USP32: variants seen among roughly 807,000 people sequenced by gnomAD.
USP32 encodes ubiquitin carboxyl-terminal hydrolase 32.
A neutral mutation model predicts 204.8 loss-of-function variants in USP32; 59 were observed. The observed-to-expected ratio is 0.29, with a 90% CI of 0.23 to 0.36. The LOEUF (loss-of-function observed/expected upper bound fraction) is 0.36. USP32 is among the 10% of genes least tolerant of loss of function. The pLI is 1.00. For missense variants in USP32, 1,160 were observed against 1,946.4 expected, an observed-to-expected ratio of 0.60 and a Z score of 7.60; for synonymous variants, 517 against 678.4, an observed-to-expected ratio of 0.76 and a Z score of 3.70.
At chr17:60,197,506 A>G (rs1241165824) in intron 27 of USP32, among the ~76,000 whole-genome samples, 1 of 152,216 alleles carries the variant, frequency 6.6e-6, no homozygotes, top group Non-Finnish European at 1.5e-5. Context: ...GGGGAGGCTG[A>G]GGCAGGAGAT....
chr17:60,404,903 C>T (rs1293612683), intron 1 of USP32, among the ~76,000 whole-genome samples: 2 of 152,028 alleles, frequency 1.3e-5, no homozygotes, highest in Non-Finnish European at 2.9e-5. Flanking sequence ...TGGGTGGGTG[C>T]GATGACTCCA....
At chr17:60,367,874 G>GT (rs1322028991) in intron 1 of USP32, among the ~76,000 whole-genome samples, 1 of 151,724 alleles carries the variant, frequency 6.6e-6, no homozygotes. Context: ...ACACGTACAG[G>GT]CTTTTTTTTT....
At chr17:60,409,403 C>G (rs2090002299) in intron 1 of USP32, among the ~76,000 whole-genome samples, 1 of 152,168 alleles carries the variant, frequency 6.6e-6, no homozygotes, top group African/African-American at 2.4e-5. Flanking sequence ...GGCCTCTATG[C>G]ACGTCGGGCA....
chr17:60,407,781 CAAAA>C (rs750848462), intron 1 of USP32, among the ~76,000 whole-genome samples: 1 of 35,952 alleles, frequency 2.8e-5, no homozygotes, highest in Non-Finnish European at 5.5e-5. Context: ...GCCTCTGTCT[CAAAA>C]AAAAAAAAAA....
chr17:60,411,769 C>G (rs1040697559), intron 1 of USP32, among the ~76,000 whole-genome samples: 4 of 151,966 alleles, frequency 2.6e-5, no homozygotes, highest in African/African-American at 9.7e-5. Context: ...GCTTATTTCA[C>G]TTAGTAGAGT....
chr17:60,274,068 G>A (rs1381644306), intron 5 of USP32, among the ~76,000 whole-genome samples: 3 of 151,234 alleles, frequency 2.0e-5, no homozygotes, highest in Admixed American at 1.3e-4. Context: ...AAGTATCTCA[G>A]GAATTAAAGA....
chr17:60,346,339 G>A (rs1169035359), intron 1 of USP32, among the ~76,000 whole-genome samples: 1 of 152,170 alleles, frequency 6.6e-6, no homozygotes, highest in Admixed American at 6.5e-5. Context: ...TTTCAAATTA[G>A]CAGGTAAGCT....
At chr17:60,321,877 T>A (rs1598243142) in intron 2 of USP32, among the ~76,000 whole-genome samples, 1 of 152,246 alleles carries the variant, frequency 6.6e-6, no homozygotes, top group Admixed American at 6.5e-5. Flanking sequence ...ATGGCTTTTT[T>A]TTTTTTTTAG....
intron 2 of USP32, among the ~76,000 whole-genome samples, chr17:60,316,842 T>C (rs2087993251): frequency 6.6e-6 from 1 of 151,592 alleles, no homozygotes; most frequent in Non-Finnish European, 1.5e-5. Flanking sequence ...CTTTGACTCA[T>C]AAAAACAAAC....
chr17:60,322,648 G>T (rs977046921), intron 2 of USP32, among the ~76,000 whole-genome samples: 1 of 152,138 alleles, frequency 6.6e-6, no homozygotes, highest in African/African-American at 2.4e-5. Context: ...GATAGTCCCT[G>T]GGTTCTAGAC....
At chr17:60,273,789 A>G (rs1022631528) in intron 5 of USP32, among the ~76,000 whole-genome samples, 1 of 151,816 alleles carries the variant, frequency 6.6e-6, no homozygotes, top group African/African-American at 2.4e-5. Flanking sequence ...TGAAACCCCC[A>G]TCGCTACTAA....
chr17:60,420,671 C>T (rs1463637111), intron 1 of USP32, among the ~76,000 whole-genome samples: 1 of 152,044 alleles, frequency 6.6e-6, no homozygotes, highest in Non-Finnish European at 1.5e-5. Flanking sequence ...GTCTCAAAAA[C>T]AAACAACAAA....
rs149888560 is a variant in USP32 at position 60,315,307 on chromosome 17, G to T, written c.187-13603C>A. On this transcript the variant is annotated intron_variant, in intron 2 of 33. Transcript: ENST00000300896. Reference sequence around the variant, plus strand: ...CCCAGCTACTCAGGAGGCTGAGGCAGGAGAATGGCTTGAACCCGGAAGGCA... The same window carrying T: ...CCCAGCTACTCAGGAGGCTGAGGCATGAGAATGGCTTGAACCCGGAAGGCA... Among the ~76,000 whole-genome samples, 1,098 of 152,312 alleles carry T rather than the reference G, an allele frequency of 7.2e-3. 10 individuals carry two copies. Among genetic ancestry groups the T allele is most frequent in the Non-Finnish European group, 0.012 (804 of 68,030 alleles).
At chr17:60,230,841 C>A (rs1489591188) in intron 12 of USP32, among the ~76,000 whole-genome samples, 2 of 152,128 alleles carry the variant, frequency 1.3e-5, no homozygotes, top group Non-Finnish European at 2.9e-5. Flanking sequence ...ATGAACAAAC[C>A]AATCACAGTT....
rs75458260 is a variant in USP32 at position 60,326,883 on chromosome 17, G to A, written c.186+18598C>T. ...TATTGTTAAAAAATAAACACTTCATGAAAGGTAAACAGTTCTCAGTCTTAC... is the reference window on the plus strand; with the variant it reads ...TATTGTTAAAAAATAAACACTTCATAAAAGGTAAACAGTTCTCAGTCTTAC... On this transcript the variant is annotated intron_variant, in intron 2 of 33. Transcript: ENST00000300896. Among the ~76,000 whole-genome samples the A allele has an allele frequency of 1.1e-3, 168 of 152,278 alleles. 1 individual carries two copies. The highest frequency in any genetic ancestry group is 3.1e-3 in the African/African-American group (127 of 41,550).
intron 2 of USP32, among the ~76,000 whole-genome samples, chr17:60,318,260 G>A (rs938281008): frequency 4.6e-5 from 7 of 152,168 alleles, no homozygotes; most frequent in Non-Finnish European, 7.4e-5. Flanking sequence ...TAAAGATATA[G>A]AAGAAGATCA....
intron 32 of USP32, 29 bp downstream of exon 32, chr17:60,181,295 C>T: frequency 6.3e-7 from 1 of 1,584,160 alleles, no homozygotes; most frequent in Non-Finnish European, 8.6e-7. Context: ...ACAGACCACT[C>T]TCTGAAAACC....
Position 60,210,730 on chromosome 17 carries a change from C to T in USP32, c.2424+283G>A, listed in dbSNP as rs183758840. On this transcript the variant is annotated intron_variant, in intron 21 of 33. Transcript: ENST00000300896. ...GAATACTGCTAATAGTGAAGTATTACCAAAAAAGGTTTACTCTTCATATAA... is the reference window on the plus strand; with the variant it reads ...GAATACTGCTAATAGTGAAGTATTATCAAAAAAGGTTTACTCTTCATATAA... Among the ~76,000 whole-genome samples, 1,277 of 152,280 alleles carry T rather than the reference C, an allele frequency of 8.4e-3. 3 individuals carry two copies. The highest frequency in any genetic ancestry group is 0.015 in the South Asian group (70 of 4,824).
chr17:60,382,844 T>C (rs1246327940), intron 1 of USP32, among the ~76,000 whole-genome samples: 3 of 152,198 alleles, frequency 2.0e-5, no homozygotes. Flanking sequence ...GTACAATACT[T>C]ACCCCATACT....
Sources: gnomAD v4.1 joint callset for allele counts (sites outside exome capture counted in the v4.1 genomes callset) on GRCh38, gnomAD v4.1.1 for gene constraint, MANE v1.5 for transcripts, NCBI Gene and HGNC (gene_info 2026-07-23, HGNC 2026-07-21) for gene names.